Variants in KDELR3 observed in about 807,000 individuals in gnomAD.
KDELR3 encodes KDEL endoplasmic reticulum protein retention receptor 3, also known as ER lumen protein-retaining receptor 3.
KDELR3 carries 26 observed loss-of-function variants against 22.7 expected under a neutral mutation model. The observed-to-expected ratio is 1.15, with a 90% confidence interval of 0.84 to 1.59. The LOEUF is 1.59. KDELR3 is among the 40% of genes most tolerant of loss of function. The pLI, the probability that KDELR3 is intolerant of heterozygous loss-of-function variation, is 0.00. For synonymous variants in KDELR3, 120 were observed against 98.2 expected (o/e 1.22, Z -1.31); for missense variants, 289 against 251.1 (o/e 1.15, Z -1.02).
Position 38,481,320 on chromosome 22 carries a change from T to C in KDELR3, c.460T>C (p.Phe154Leu). The C allele has an allele frequency of 6.2e-7, 1 of 1,614,200 alleles. No homozygotes were observed. The highest frequency in any genetic ancestry group is 8.5e-7 in the Non-Finnish European group (1 of 1,180,040). The change falls in exon 4 of 5, where the codon TTT becomes CTT. Residue 154 changes from phenylalanine (F) to leucine (L), a missense_variant. Phe to Leu is a conservative substitution (Grantham distance 22). Transcript: ENST00000216014. ...GACCATAACTACTCACTACCTGTTC[T>C]TTCTGGGTCTGTACCGGGCACTCTA... ...AETITTHYLF[F>L]LGLYRALYLA...
At chr22:38,474,654 A>T in intron 2 of KDELR3, 31 bp downstream of exon 2, 1 of 1,544,500 alleles carries the variant, frequency 6.5e-7, no homozygotes. Context: ...GGTTGGGGGA[A>T]GCCACCAAGC....
At chr22:38,468,347 G>T (rs775124431) in intron 1 of KDELR3, 23 bp downstream of exon 1, 29 of 1,607,912 alleles carry the variant, frequency 1.8e-5, no homozygotes, top group Non-Finnish European at 2.5e-5. Context: ...TGGCAGGGAG[G>T]TGCGGGACCC....
At chr22:38,482,410 G>A (rs1353160405) in intron 4 of KDELR3, 86 bp from the exon 5 acceptor site, 5 of 1,110,356 alleles carry the variant, frequency 4.5e-6, no homozygotes, top group Non-Finnish European at 6.9e-6. Flanking sequence ...CGGCCATTAA[G>A]AGATGATACC....
chr22:38,471,861 G>A (rs1018395397), intron 1 of KDELR3, among the ~76,000 whole-genome samples: 2 of 145,170 alleles, frequency 1.4e-5, no homozygotes, highest in Admixed American at 6.6e-5. Flanking sequence ...CTACTCAGGA[G>A]GCTAAGGTAG....
Position 38,473,270 on chromosome 22 carries a change from A to G in KDELR3, c.92-1253A>G, listed in dbSNP as rs577955415. On this transcript the variant is annotated intron_variant, in intron 1 of 4. Coordinates refer to ENST00000216014, the MANE Select transcript of KDELR3 (RefSeq NM_006855.4). ...AAACTCTGTCTCTACAAAAATAATAATAATAATAATTAATAATAAAATTTG... is the reference window on the plus strand; with the variant it reads ...AAACTCTGTCTCTACAAAAATAATAGTAATAATAATTAATAATAAAATTTG... 4.6e-5 allele frequency among the ~76,000 whole-genome samples: 7 copies of G among 151,980 alleles called. No homozygotes were observed. In the East Asian group the frequency reaches 1.4e-3, roughly 29 times the overall value.
At chr22:38,473,698 C>T (rs995941443) in intron 1 of KDELR3, among the ~76,000 whole-genome samples, 38 of 152,006 alleles carry the variant, frequency 2.5e-4, no homozygotes, top group African/African-American at 8.2e-4. Context: ...TTTGGCTGGG[C>T]GTGGTGGGTC....
At chr22:38,468,601 A>AG (rs2089503021) in intron 1 of KDELR3, among the ~76,000 whole-genome samples, 1 of 152,152 alleles carries the variant, frequency 6.6e-6, no homozygotes, top group Non-Finnish European at 1.5e-5. Context: ...GGGGGTTATA[A>AG]GGGAGGTGAC....
intron 2 of KDELR3, among the ~76,000 whole-genome samples, chr22:38,476,806 G>A (rs1021483464): frequency 6.8e-6 from 1 of 146,552 alleles, no homozygotes; most frequent in Non-Finnish European, 1.5e-5. Flanking sequence ...TTACAGGCGT[G>A]AGCCACCACA....
chr22:38,478,735 C>T (rs530754719), intron 2 of KDELR3, among the ~76,000 whole-genome samples: 78 of 138,726 alleles, frequency 5.6e-4, no homozygotes, highest in Non-Finnish European at 9.2e-4. Context: ...CTCTGCCTCC[C>T]GGGTTCAAGC....
rs2145676579 is a variant in KDELR3, at chr22:38,483,165, C to T, written c.*629C>T. On this transcript the variant is annotated 3_prime_UTR_variant, in exon 5 of 5. Transcript: ENST00000216014. ...CTGATACCTGCCTTGTACTTAGTAC[C>T]TTAATACCAATAACCTAATGGTACT... 2 of 152,612 alleles carry T rather than the reference C, an allele frequency of 1.3e-5. No homozygotes were observed. Among genetic ancestry groups the T allele is most frequent in the South Asian group, 4.1e-4 (2 of 4,828 alleles). The allele number at this position is 152,612 out of a possible 1,614,324, so 9.5% of individuals were successfully genotyped here.
chr22:38,468,353 G>C (rs761722051), intron 1 of KDELR3, 29 bp downstream of exon 1: 1 of 1,603,576 alleles, frequency 6.2e-7, no homozygotes, highest in African/African-American at 1.3e-5. Flanking sequence ...GGAGGTGCGG[G>C]ACCCCCTCTC....
At chr22:38,479,867 C>T in intron 3 of KDELR3, 116 bp downstream of exon 3, 1 of 942,310 alleles carries the variant, frequency 1.1e-6, no homozygotes, top group Admixed American at 2.2e-5. Context: ...ATGTATCTTT[C>T]AGTTATAAGT....
intron 2 of KDELR3, among the ~76,000 whole-genome samples, chr22:38,475,244 G>A (rs927764854): frequency 2.0e-5 from 3 of 152,182 alleles, no homozygotes; most frequent in Admixed American, 6.5e-5. Context: ...GGGAGGCCAA[G>A]GCGAGAGGAC....
intron 1 of KDELR3, among the ~76,000 whole-genome samples, chr22:38,470,348 T>C (rs953831511): frequency 2.5e-4 from 38 of 152,176 alleles, no homozygotes; most frequent in Admixed American, 2.3e-3. Flanking sequence ...GGTCTCGAAC[T>C]CCTGGGCTCG....
intron 3 of KDELR3, among the ~76,000 whole-genome samples, chr22:38,480,702 G>A (rs902598997): frequency 5.9e-5 from 9 of 152,088 alleles, no homozygotes; most frequent in Middle Eastern, 3.4e-3. Context: ...GCAGTGAGCC[G>A]AGATCGCACC....
At chr22:38,469,304 G>A (rs1315110651) in intron 1 of KDELR3, among the ~76,000 whole-genome samples, 1 of 152,196 alleles carries the variant, frequency 6.6e-6, no homozygotes, top group Non-Finnish European at 1.5e-5. Flanking sequence ...CAGGAGGGAG[G>A]CTGGTCCAGA....
Position 38,479,617 on chromosome 22 carries a change from G to A in KDELR3, c.217G>A (p.Val73Ile), listed in dbSNP as rs1348413190. 3 of 1,613,872 alleles carry A rather than the reference G, an allele frequency of 1.9e-6. No individual in the cohort carries two copies. The highest frequency in any genetic ancestry group is 3.3e-4 in the Middle Eastern group (2 of 6,084). The change falls in exon 3 of 5, where the codon GTT (valine) becomes ATT (isoleucine). Residue 73 changes from valine (V) to isoleucine (I), a missense_variant. Transcript: ENST00000216014. ...MKVVFLLCAY[V>I]TVYMIYGKFR... The stretch of plus-strand genomic sequence containing the variant: ...GGTGGTTTTTCTCCTCTGTGCCTAT[G>A]TTACAGTGTACATGATATATGGGAA...
In KDELR3 at chr22:38,481,248, G is replaced by A; in HGVS notation, c.388G>A (p.Ala130Thr). ...TTTCTCTATCTATCTGGAATCAGTG[G>A]CTATCCTGCCCCAGCTCTTCATGAT... ...WTFSIYLESV[A>T]ILPQLFMISK... Residue 130 changes from alanine to threonine, a missense_variant, in exon 4 of 5, where the codon GCT becomes ACT. Physicochemically the swap from Ala to Thr is moderately conservative, Grantham distance 58. Coordinates refer to ENST00000216014, the MANE Select transcript of KDELR3 (RefSeq NM_006855.4). 1 of 1,614,092 alleles carries A rather than the reference G, an allele frequency of 6.2e-7. No individual in the cohort carries two copies.
intron 2 of KDELR3, among the ~76,000 whole-genome samples, chr22:38,477,306 C>T (rs749158792): frequency 7.3e-5 from 11 of 151,462 alleles, no homozygotes; most frequent in African/African-American, 2.2e-4. Context: ...CAGGTTCAAG[C>T]GAATTCTCCT....
Sources: gnomAD v4.1 joint callset for allele counts (sites outside exome capture counted in the v4.1 genomes callset) on GRCh38, gnomAD v4.1.1 for gene constraint, MANE v1.5 for transcripts, NCBI Gene and HGNC (gene_info 2026-07-23, HGNC 2026-07-21) for gene names.